LYG1: variants seen among roughly 807,000 people sequenced by gnomAD.
LYG1 encodes lysozyme g-like protein 1.
In LYG1, 17 loss-of-function variants were observed where a neutral mutation model predicts 21.7. The observed-to-expected ratio is 0.78, with a 90% confidence interval of 0.54 to 1.18. The LOEUF (loss-of-function observed/expected upper bound fraction) is 1.18, where lower values mean the gene tolerates loss of function less well. Among genes scored for constraint, LYG1 ranks in the 50% most tolerant of loss-of-function variants. LYG1 has a pLI of 0.00. For synonymous variants in LYG1, 81 were observed against 87.4 expected (o/e 0.93, Z 0.41); for missense variants, 211 against 238.1 (o/e 0.89, Z 0.75).
intron 6 of LYG1, 64 bp from the exon 7 acceptor site, chr2:99,284,575 T>G: frequency 6.3e-7 from 1 of 1,594,800 alleles, no homozygotes; most frequent in Non-Finnish European, 8.6e-7. Flanking sequence ...TGATTCTCTT[T>G]ACTAACTACC....
At chr2:99,287,487 C>T (rs1474114214) in intron 5 of LYG1, among the ~76,000 whole-genome samples, 1 of 151,984 alleles carries the variant, frequency 6.6e-6, no homozygotes, top group Non-Finnish European at 1.5e-5. Flanking sequence ...CACACGTTTA[C>T]CTGTGGAACA....
In LYG1 at chr2:99,291,415, C is replaced by G. The variant is rs767349813; in HGVS notation, c.155G>C (p.Arg52Pro). Reference protein sequence around the residue: ...RRHGLNYCGVRASERLAEIDM... With the variant: ...RRHGLNYCGVPASERLAEIDM... ...TATTTCAGCCAGCCTTTCAGAAGCA[C>G]GAACTCCTAAACCAAACGCAAAAGG... Residue 52 changes from arginine to proline, a missense_variant, in exon 5 of 7, where the codon CGT (arginine) becomes CCT (proline). By Grantham distance (103) the Arg-to-Pro change is moderately radical. Transcript: ENST00000308528. 1.2e-6 allele frequency: 2 copies of G among 1,614,006 alleles called. No individual in the cohort carries two copies. Among genetic ancestry groups the G allele is most frequent in the Non-Finnish European group, 1.7e-6 (2 of 1,179,962 alleles).
chr2:99,287,701 T>A lies in LYG1; in HGVS notation c.334-2881A>T, dbSNP rs1039635055. Reference sequence around the variant, plus strand: ...TCTTTAACCTAAGAGTTACTTAGTGTTGTGTATGTGTGTGTGTGTGCATGT... The same window carrying A: ...TCTTTAACCTAAGAGTTACTTAGTGATGTGTATGTGTGTGTGTGTGCATGT... On this transcript the variant is annotated intron_variant, in intron 5 of 6. Transcript: ENST00000308528. 2.0e-5 allele frequency among the ~76,000 whole-genome samples: 3 copies of A among 152,102 alleles called. No individual in the cohort carries two copies. In the South Asian group the frequency reaches 6.2e-4, roughly 32 times the overall value.
At chr2:99,299,957 C>A (rs376790258) in intron 1 of LYG1, among the ~76,000 whole-genome samples, 1 of 151,760 alleles carries the variant, frequency 6.6e-6, no homozygotes, top group Admixed American at 6.6e-5. Flanking sequence ...CACACATGCA[C>A]GTACAGCAAC....
rs1476738753 is a variant in LYG1, at chr2:99,295,711, A to G, written c.-32-9T>C. The stretch of plus-strand genomic sequence containing the variant: ...CTACGGCTCCTGAAACACTTTTAAA[A>G]CAAAAATTAGCTTGAGAATACAAAA... On this transcript the variant is annotated splice_polypyrimidine_tract_variant and intron_variant, in intron 2 of 6. Transcript: ENST00000308528. 6.2e-7 allele frequency: 1 copy of G among 1,613,544 alleles called. No homozygotes were observed. The highest frequency in any genetic ancestry group is 8.5e-7 in the Non-Finnish European group (1 of 1,179,462).
chr2:99,294,907 A>G lies in LYG1; in HGVS notation c.43+721T>C, dbSNP rs189371297. ...TCACGAGGTCAAGAGTTTGAGACCAATCTGGCCAACATGGTGAAACCCTGT... is the reference window on the plus strand; with the variant it reads ...TCACGAGGTCAAGAGTTTGAGACCAGTCTGGCCAACATGGTGAAACCCTGT... On this transcript the variant is annotated intron_variant, in intron 3 of 6. Transcript: ENST00000308528. 3.9e-5 allele frequency among the ~76,000 whole-genome samples: 6 copies of G among 152,184 alleles called. No individual in the cohort carries two copies. The East Asian group carries it at 1.2e-3, about 29-fold the overall frequency.
intron 3 of LYG1, among the ~76,000 whole-genome samples, chr2:99,295,417 C>A (rs2094133499): frequency 6.6e-6 from 1 of 152,174 alleles, no homozygotes; most frequent in African/African-American, 2.4e-5. Context: ...CTGTTTTAAG[C>A]CCACCTTGCA....
At chr2:99,301,520 G>A (rs2094154370), upstream of LYG1, among the ~76,000 whole-genome samples, 1 of 130,610 alleles carries the variant, frequency 7.7e-6, no homozygotes, top group Non-Finnish European at 1.7e-5. Context: ...AAGGGAGGGA[G>A]GGAATTGAAC....
intron 3 of LYG1, among the ~76,000 whole-genome samples, chr2:99,293,691 G>C (rs1051624742): frequency 6.6e-6 from 1 of 152,188 alleles, no homozygotes; most frequent in Admixed American, 6.5e-5. Flanking sequence ...TTGAAGAGGA[G>C]AATGTTCTTT....
At chr2:99,303,714 G>A (rs1386973607), upstream of LYG1, among the ~76,000 whole-genome samples, 1 of 152,190 alleles carries the variant, frequency 6.6e-6, no homozygotes, top group East Asian at 1.9e-4. Context: ...ACGGGGCTAT[G>A]GCTTGGCTGT....
intron 5 of LYG1, 128 bp downstream of exon 5, chr2:99,291,109 C>T: frequency 6.2e-6 from 5 of 803,780 alleles, no homozygotes; most frequent in Non-Finnish European, 7.8e-6. Flanking sequence ...TCAGGCAGAA[C>T]TGTCACTGTC....
In LYG1 at chr2:99,284,344, A is replaced by C. The variant is rs2094089876; in HGVS notation, c.*49T>G. On this transcript the variant is annotated 3_prime_UTR_variant, in exon 7 of 7. Coordinates refer to ENST00000308528, the MANE Select transcript of LYG1 (RefSeq NM_174898.3). ...GCCCTTGGCTAGTTTTATCTGTGTA[A>C]CATTTGAGGCTGCATATGTGATCAT... The C allele has an allele frequency of 6.5e-7, 1 of 1,542,414 alleles. No homozygotes were observed. Among genetic ancestry groups the C allele is most frequent in the Non-Finnish European group, 8.9e-7 (1 of 1,119,150 alleles).
rs2094117689 is a variant in LYG1, at chr2:99,291,360, G to A, written c.210C>T (p.Pro70=). 3 of 1,614,178 alleles carry A rather than the reference G, an allele frequency of 1.9e-6. No homozygotes were observed. Among genetic ancestry groups the A allele is most frequent in the Non-Finnish European group, 1.7e-6 (2 of 1,180,032 alleles). ...ACTTTTGGCCAATGGTTTGCATCAT[G>A]GGTTGATATTTCAGGAGGTATGGCA... The part of the protein sequence containing the change: ...IDMPYLLKYQ[P]MMQTIGQKYC... The change falls in exon 5 of 7, where the codon CCC becomes CCT. Residue 70 remains proline (P), a synonymous_variant. Coordinates refer to ENST00000308528, the MANE Select transcript of LYG1 (RefSeq NM_174898.3).
chr2:99,289,840 TTTGTTG>T (rs55751852), intron 5 of LYG1, among the ~76,000 whole-genome samples: 214 of 150,748 alleles, frequency 1.4e-3, no homozygotes, highest in Non-Finnish European at 2.2e-3. Context: ...AATTCTCTTG[TTTGTTG>T]TTGTTGTTGT....
chr2:99,304,759 T>G (rs1003408283), upstream of LYG1: 2 of 151,962 alleles, frequency 1.3e-5, no homozygotes, highest in African/African-American at 2.4e-5. Flanking sequence ...TCTCAATTTA[T>G]GAAAAAGAAA....
chr2:99,301,496 AGAAG>A (rs1275291140), upstream of LYG1, among the ~76,000 whole-genome samples: 10 of 92,280 alleles, frequency 1.1e-4, no homozygotes, highest in African/African-American at 1.9e-4. Flanking sequence ...AAGAAAAGGA[AGAAG>A]GAAGGAAGGA....
At chr2:99,299,276 C>CT (rs956388157) in intron 1 of LYG1, among the ~76,000 whole-genome samples, 1 of 142,698 alleles carries the variant, frequency 7.0e-6, no homozygotes, top group African/African-American at 2.6e-5. Flanking sequence ...TTTTCTTTTT[C>CT]TTTTTTTCTT....
chr2:99,293,712 C>A (rs568971245), intron 3 of LYG1, among the ~76,000 whole-genome samples: 1 of 152,184 alleles, frequency 6.6e-6, no homozygotes, highest in South Asian at 2.1e-4. Flanking sequence ...CTCTTCACAC[C>A]AGGAGGAGAG....
At position 99,295,680 on chromosome 2, in the gene LYG1, C is replaced by A; in HGVS notation, c.-10G>T. On this transcript the variant is annotated 5_prime_UTR_variant, in exon 3 of 7. Transcript: ENST00000308528. ...GCCACAATGCAGACATGATGACGAT[C>A]TGGCTCTACGGCTCCTGAAACACTT... 6.2e-7 allele frequency: 1 copy of A among 1,614,136 alleles called. No homozygotes were observed. The highest frequency in any genetic ancestry group is 8.5e-7 in the Non-Finnish European group (1 of 1,180,016).
Sources: gnomAD v4.1 joint callset for allele counts (sites outside exome capture counted in the v4.1 genomes callset) on GRCh38, gnomAD v4.1.1 for gene constraint, MANE v1.5 for transcripts, NCBI Gene and HGNC (gene_info 2026-07-23, HGNC 2026-07-21) for gene names.